HS3ST3B1: variants seen among roughly 807,000 people sequenced by gnomAD.
HS3ST3B1 encodes the protein heparan sulfate glucosamine 3-O-sulfotransferase 3B1.
A neutral mutation model predicts 21.3 loss-of-function variants in HS3ST3B1; 13 were observed. The ratio of observed to expected loss-of-function variants is 0.61; its 90% CI spans 0.40 to 0.97. HS3ST3B1 has a LOEUF of 0.97. Ranked by LOEUF, HS3ST3B1 falls within the 50% of genes least tolerant of loss-of-function variation. The pLI, the probability that HS3ST3B1 is intolerant of heterozygous loss-of-function variation, is 0.00. For missense variants in HS3ST3B1, 459 were observed against 554.8 expected, an observed-to-expected ratio of 0.83 and a Z score of 1.73; for synonymous variants, 234 against 254.8, an observed-to-expected ratio of 0.92 and a Z score of 0.78.
chr17:14,332,619 G>A (rs987842236), intron 1 of HS3ST3B1, among the ~76,000 whole-genome samples: 3 of 151,860 alleles, frequency 2.0e-5, no homozygotes, highest in East Asian at 3.9e-4. Flanking sequence ...ACTGAAATAA[G>A]CCCTCAGCTT....
At chr17:14,327,602 T>A (rs1231564639) in intron 1 of HS3ST3B1, 2 of 152,228 alleles carry the variant, frequency 1.3e-5, no homozygotes, top group Non-Finnish European at 1.5e-5. Context: ...ATCAGGATAC[T>A]GGGACCATCA....
intron 1 of HS3ST3B1, among the ~76,000 whole-genome samples, chr17:14,339,124 T>C (rs1166010116): frequency 6.6e-6 from 1 of 152,038 alleles, no homozygotes; most frequent in African/African-American, 2.4e-5. Context: ...ATGTGCCAGG[T>C]TTACGTGCTT....
intron 1 of HS3ST3B1, among the ~76,000 whole-genome samples, chr17:14,338,758 T>C (rs1910278227): frequency 6.6e-6 from 1 of 152,182 alleles, no homozygotes; most frequent in Non-Finnish European, 1.5e-5. Flanking sequence ...TATACCTTTC[T>C]TGAAATATCC....
chr17:14,315,403 T>G (rs760627283), intron 1 of HS3ST3B1, among the ~76,000 whole-genome samples: 4 of 152,238 alleles, frequency 2.6e-5, no homozygotes, highest in Non-Finnish European at 5.9e-5. Context: ...GCTGTCGCAA[T>G]GTCAAATTAC....
chr17:14,303,005 G>A lies in HS3ST3B1; in HGVS notation c.554+933G>A, dbSNP rs1313255936. 6.6e-6 allele frequency among the ~76,000 whole-genome samples: 1 copy of A among 152,240 alleles called. No homozygotes were observed. The highest frequency in any genetic ancestry group is 1.5e-5 in the Non-Finnish European group (1 of 68,042). ...TTGCGGGTCAGGTTCCAAAGGGACA[G>A]TGGCCCCGGGGTCACAATCACTACC... is the stretch of plus-strand genomic sequence containing the variant. On this transcript the variant is annotated intron_variant, in intron 1 of 1. Transcript: ENST00000360954. The surrounding 1 kb of genome is among the most constrained non-coding windows in gnomAD (Gnocchi z 5.7).
At chr17:14,324,828 G>A (rs980580637) in intron 1 of HS3ST3B1, among the ~76,000 whole-genome samples, 2 of 152,130 alleles carry the variant, frequency 1.3e-5, no homozygotes, top group African/African-American at 2.4e-5. Flanking sequence ...TATCCAGGTT[G>A]GTCTTAAGCT....
At chr17:14,321,228 G>C (rs1308598258) in intron 1 of HS3ST3B1, among the ~76,000 whole-genome samples, 1 of 152,180 alleles carries the variant, frequency 6.6e-6, no homozygotes, top group African/African-American at 2.4e-5. Flanking sequence ...TTCCAGCTGA[G>C]AGGCTACTCC....
chr17:14,315,845 A>G (rs1909481133), intron 1 of HS3ST3B1, among the ~76,000 whole-genome samples: 1 of 152,004 alleles, frequency 6.6e-6, no homozygotes, highest in South Asian at 2.1e-4. Flanking sequence ...ATTAATAGGT[A>G]GAGGGTAGAA....
chr17:14,303,855 T>A lies in HS3ST3B1; in HGVS notation c.554+1783T>A, dbSNP rs1320573324. On this transcript the variant is annotated intron_variant, in intron 1 of 1. Coordinates refer to ENST00000360954, the MANE Select transcript of HS3ST3B1 (RefSeq NM_006041.3). This position sits in a 1 kb window ranked among gnomAD's most constrained non-coding sequence, Gnocchi z 5.7. The stretch of plus-strand genomic sequence containing the variant: ...AGCCCCGAGGCAGCCTAGGATTTTC[T>A]GAGATCAGACACACTTGGGCCGGGT... 1 of 152,290 alleles carries A rather than the reference T, an allele frequency of 6.6e-6. No individual in the cohort carries two copies. Among genetic ancestry groups the A allele is most frequent in the Non-Finnish European group, 1.5e-5 (1 of 68,146 alleles). 9.4% of individuals were successfully genotyped at this position (152,290 alleles called of 1,614,324 possible).
At chr17:14,330,584 T>TG (rs1555549603) in intron 1 of HS3ST3B1, among the ~76,000 whole-genome samples, 3 of 151,114 alleles carry the variant, frequency 2.0e-5, no homozygotes, top group Non-Finnish European at 4.4e-5. Flanking sequence ...TGTGTGTGTG[T>TG]TGCTTGCGGG....
At chr17:14,310,429 C>T (rs1257588544) in intron 1 of HS3ST3B1, among the ~76,000 whole-genome samples, 3 of 152,186 alleles carry the variant, frequency 2.0e-5, no homozygotes, top group Non-Finnish European at 4.4e-5. Flanking sequence ...GGATAGGTTT[C>T]CTCCGTGGTG....
Position 14,311,253 on chromosome 17 carries a change from A to C in HS3ST3B1, c.554+9181A>C, listed in dbSNP as rs1347161835. 4.0e-5 allele frequency among the ~76,000 whole-genome samples: 6 copies of C among 151,556 alleles called. No individual in the cohort carries two copies. In the South Asian group the frequency reaches 1.3e-3, roughly 32 times the overall value. On this transcript the variant is annotated intron_variant, in intron 1 of 1. Transcript: ENST00000360954. ...CTGGCTAATTAAAAAAAAAAAAAAA[A>C]AAACTGTAGAGATGAGATCTCACTA... is the stretch of plus-strand genomic sequence containing the variant.
chr17:14,311,016 A>T (rs555846566), intron 1 of HS3ST3B1, among the ~76,000 whole-genome samples: 8 of 152,266 alleles, frequency 5.3e-5, no homozygotes, highest in African/African-American at 1.9e-4. Flanking sequence ...ACCATTTAAA[A>T]TCCTTTTCTA....
At chr17:14,325,918 A>G (rs1277776833) in intron 1 of HS3ST3B1, among the ~76,000 whole-genome samples, 1 of 152,064 alleles carries the variant, frequency 6.6e-6, no homozygotes, top group African/African-American at 2.4e-5. Context: ...TTATCTAGCA[A>G]CTGTTTATTT....
chr17:14,311,502 G>A (rs1909304559), intron 1 of HS3ST3B1, among the ~76,000 whole-genome samples: 1 of 152,164 alleles, frequency 6.6e-6, no homozygotes, highest in South Asian at 2.1e-4. Flanking sequence ...CTACCAGACT[G>A]GCACATTTGT....
chr17:14,317,973 G>T (rs9303102), intron 1 of HS3ST3B1, among the ~76,000 whole-genome samples: 6,987 of 152,214 alleles, frequency 0.046, 299 homozygotes, highest in African/African-American at 0.11. Flanking sequence ...TGGGTGATTC[G>T]AGTAAGGCTC....
intron 1 of HS3ST3B1, among the ~76,000 whole-genome samples, chr17:14,337,292 T>C (rs1342739018): frequency 6.6e-6 from 1 of 151,870 alleles, no homozygotes; most frequent in East Asian, 1.9e-4. Flanking sequence ...GGGGTGTGTG[T>C]GTGTGTGTTT....
intron 1 of HS3ST3B1, among the ~76,000 whole-genome samples, chr17:14,316,491 T>C (rs781251025): frequency 3.9e-5 from 6 of 152,160 alleles, no homozygotes; most frequent in Non-Finnish European, 8.8e-5. Context: ...GTGTCGGTGG[T>C]GTTTATGGAG....
intron 1 of HS3ST3B1, among the ~76,000 whole-genome samples, chr17:14,341,544 A>G (rs1370620658): frequency 1.3e-5 from 2 of 149,064 alleles, no homozygotes; most frequent in Non-Finnish European, 3.0e-5. Flanking sequence ...TTTTTTTTTC[A>G]TTATTCAGAT....
Sources: gnomAD v4.1 joint callset for allele counts (sites outside exome capture counted in the v4.1 genomes callset) on GRCh38, gnomAD v4.1.1 for gene constraint, Gnocchi (gnomAD v3.1) non-coding constraint, MANE v1.5 for transcripts, NCBI Gene and HGNC (gene_info 2026-07-23, HGNC 2026-07-21) for gene names.